The following ABCG8 variants were observed in gnomAD, a reference collection of about 807,000 sequenced individuals.
ABCG8 encodes ATP binding cassette subfamily G member 8.
A neutral mutation model predicts 71.3 loss-of-function variants in ABCG8; 81 were observed. The ratio of observed to expected loss-of-function variants is 1.14; its 90% CI spans 0.95 to 1.37. The LOEUF is 1.37. Ranked by LOEUF, ABCG8 falls within the 40% of genes most tolerant of loss-of-function variation. The pLI, the probability that ABCG8 is intolerant of heterozygous loss-of-function variation, is 0.00. For missense variants in ABCG8, 1,119 were observed against 866.2 expected (o/e 1.29, Z -3.66); for synonymous variants, 451 against 354.7 (o/e 1.27, Z -3.05).
chr2:43,861,037 G>A (rs572598300), intron 6 of ABCG8, among the ~76,000 whole-genome samples: 1 of 151,388 alleles, frequency 6.6e-6, no homozygotes, highest in East Asian at 1.9e-4. Context: ...TATCTATCGG[G>A]ATAGAATTCT....
At chr2:43,846,091 A>C (rs1668733668) in intron 2 of ABCG8, 64 bp from the exon 3 acceptor site, 4 of 1,583,270 alleles carry the variant, frequency 2.5e-6, no homozygotes, top group Non-Finnish European at 3.5e-6. Flanking sequence ...GATGCTGAAC[A>C]GAAGTTGCTG....
rs138423682 is a variant in ABCG8, at chr2:43,854,759, C to A, written c.964+1891C>A. On this transcript the variant is annotated intron_variant, in intron 6 of 12. Coordinates refer to ENST00000272286, the MANE Select transcript of ABCG8 (RefSeq NM_022437.3). Reference sequence around the variant, plus strand: ...CAGGCATGCATGGTCCTAGACTGAGCTGGGTATAGGGAGATCCTGGCTGTG... The same window carrying A: ...CAGGCATGCATGGTCCTAGACTGAGATGGGTATAGGGAGATCCTGGCTGTG... Among the ~76,000 whole-genome samples the A allele has an allele frequency of 6.1e-3, 934 of 152,156 alleles. 14 individuals carry two copies. The highest frequency in any genetic ancestry group is 0.021 in the African/African-American group (882 of 41,502).
chr2:43,859,285 C>T (rs966521958), intron 6 of ABCG8, among the ~76,000 whole-genome samples: 2 of 151,500 alleles, frequency 1.3e-5, no homozygotes, highest in African/African-American at 4.8e-5. Flanking sequence ...GGATATAATT[C>T]TCACCCTCTG....
At chr2:43,857,544 T>G (rs963433184) in intron 6 of ABCG8, among the ~76,000 whole-genome samples, 1 of 151,750 alleles carries the variant, frequency 6.6e-6, no homozygotes, top group Non-Finnish European at 1.5e-5. Flanking sequence ...TCTCAACATC[T>G]GGATAGAATC....
intron 6 of ABCG8, among the ~76,000 whole-genome samples, chr2:43,859,714 T>A (rs547011626): frequency 1.3e-5 from 2 of 151,606 alleles, no homozygotes; most frequent in Admixed American, 6.6e-5. Flanking sequence ...TCTCACTATC[T>A]ATCTTGATAG....
chr2:43,873,899 C>G lies in ABCG8; in HGVS notation c.1324C>G (p.Gln442Glu). 6.2e-7 allele frequency: 1 copy of G among 1,614,066 alleles called. No homozygotes were observed. Among genetic ancestry groups the G allele is most frequent in the Non-Finnish European group, 8.5e-7 (1 of 1,180,032 alleles). ...GFLYFGHGSI[Q>E]LSFMDTAALL... The stretch of plus-strand genomic sequence containing the variant: ...CCTCTATTTTGGCCATGGGAGCATC[C>G]AGCTCTCCTTCATGGATACAGCCGC... The change falls in exon 9 of 13, where the codon CAG becomes GAG. Residue 442 changes from glutamine (Q) to glutamate (E), a missense_variant. Coordinates refer to ENST00000272286, the MANE Select transcript of ABCG8 (RefSeq NM_022437.3).
intron 11 of ABCG8, 69 bp from the exon 12 acceptor site, chr2:43,877,492 C>A (rs977296625): frequency 8.7e-6 from 14 of 1,608,874 alleles, no homozygotes; most frequent in Admixed American, 1.7e-5. Flanking sequence ...ATGGGGGAGA[C>A]CATGCGAATA....
rs542440987 is a variant in ABCG8, at chr2:43,859,482, T to C, written c.964+6614T>C. 5.9e-5 allele frequency among the ~76,000 whole-genome samples: 9 copies of C among 151,672 alleles called. No individual in the cohort carries two copies. In the Middle Eastern group the frequency reaches 0.017, roughly 287 times the overall value. ...TACTATCTGGATAGAATTCTCACTC[T>C]GCATAGAACTCTCACTATCTATCTG... On this transcript the variant is annotated intron_variant, in intron 6 of 12. Coordinates refer to ENST00000272286, the MANE Select transcript of ABCG8 (RefSeq NM_022437.3).
Position 43,877,951 on chromosome 2 carries a change from G to C in ABCG8, c.*38G>C, listed in dbSNP as rs752903029. The C allele has an allele frequency of 3.0e-5, 48 of 1,613,826 alleles. No homozygotes were observed. Among genetic ancestry groups the C allele is most frequent in the Non-Finnish European group, 4.1e-5 (48 of 1,180,002 alleles). ...GTCTGCCCGCTGGTGGGGGACCTGA[G>C]CAGACCCTTCAACTGCACTCCCTCC... On this transcript the variant is annotated 3_prime_UTR_variant, in exon 13 of 13. Coordinates refer to ENST00000272286, the MANE Select transcript of ABCG8 (RefSeq NM_022437.3).
intron 6 of ABCG8, among the ~76,000 whole-genome samples, chr2:43,870,261 GTAGAATTCTCACAATCTGGA>G (rs1365707104): frequency 6.7e-6 from 1 of 150,224 alleles, no homozygotes; most frequent in Admixed American, 6.6e-5. Flanking sequence ...CACTATCTGG[GTAGAATTCTCACAATCTGGA>G]TAGAATTCTC....
At position 43,880,339 on chromosome 2, in the gene ABCG8, AATTTTTGT is replaced by A. The variant is rs1352469099; in HGVS notation, c.*2433_*2440del. On this transcript the variant is annotated 3_prime_UTR_variant, in exon 13 of 13. Transcript: ENST00000272286. ...ACAGTGCCCACCACCACACCTGGCT[AATTTTTGT>A]ATTTTTAGTAAAGACAGTGTTTCAC... 1 of 145,882 alleles carries A rather than the reference AATTTTTGT, an allele frequency of 6.9e-6. No homozygotes were observed. Among genetic ancestry groups the A allele is most frequent in the Admixed American group, 6.8e-5 (1 of 14,708 alleles). The allele number at this position is 145,882 out of a possible 1,614,324, so 9.0% of individuals were successfully genotyped here. A position where few individuals can be genotyped will look rare whatever the true frequency, so the allele number is the denominator to read the frequency against.
intron 1 of ABCG8, among the ~76,000 whole-genome samples, chr2:43,844,089 G>C (rs1668662801): frequency 6.6e-6 from 1 of 152,172 alleles, no homozygotes; most frequent in Non-Finnish European, 1.5e-5. Context: ...GGCCTCAGGA[G>C]ATATTAAGCC....
chr2:43,865,623 A>G (rs565521328), intron 6 of ABCG8, among the ~76,000 whole-genome samples: 2 of 150,616 alleles, frequency 1.3e-5, no homozygotes, highest in East Asian at 3.9e-4. Context: ...CACTATCTGG[A>G]TAGAATTCTC....
chr2:43,876,634 G>T (rs1478647010), intron 11 of ABCG8, among the ~76,000 whole-genome samples: 1 of 148,786 alleles, frequency 6.7e-6, no homozygotes, highest in Non-Finnish European at 1.5e-5. Context: ...AATATGGGGA[G>T]ACCGTGAGAA....
intron 6 of ABCG8, among the ~76,000 whole-genome samples, chr2:43,868,550 A>T (rs1371390810): frequency 6.6e-6 from 1 of 152,168 alleles, no homozygotes; most frequent in African/African-American, 2.4e-5. Flanking sequence ...CTGTCTGGAT[A>T]GAATTCTGAC....
At chr2:43,869,544 T>G (rs1669681816) in intron 6 of ABCG8, among the ~76,000 whole-genome samples, 1 of 151,860 alleles carries the variant, frequency 6.6e-6, no homozygotes, top group East Asian at 1.9e-4. Context: ...ACTATCTGTC[T>G]GGATAGAATT....
At chr2:43,874,171 C>T (rs969615628) in intron 9 of ABCG8, among the ~76,000 whole-genome samples, 185 bp downstream of exon 9, 7 of 152,132 alleles carry the variant, frequency 4.6e-5, no homozygotes, top group Non-Finnish European at 8.8e-5. Flanking sequence ...TTAGCTGTTC[C>T]TATCCTAGCA....
At chr2:43,859,279 A>G (rs1044163685) in intron 6 of ABCG8, among the ~76,000 whole-genome samples, 2 of 151,502 alleles carry the variant, frequency 1.3e-5, no homozygotes, top group Non-Finnish European at 3.0e-5. Flanking sequence ...CTGTCTGGAT[A>G]TAATTCTCAC....
At chr2:43,852,174 C>T (rs541888668) in intron 4 of ABCG8, among the ~76,000 whole-genome samples, 180 bp from the exon 5 acceptor site, 10 of 152,244 alleles carry the variant, frequency 6.6e-5, no homozygotes, top group East Asian at 1.9e-4. Context: ...CGAGGCCCCT[C>T]GGGACCTGTG....
Sources: gnomAD v4.1 joint callset for allele counts (sites outside exome capture counted in the v4.1 genomes callset) on GRCh38, gnomAD v4.1.1 for gene constraint, MANE v1.5 for transcripts, NCBI Gene and HGNC (gene_info 2026-07-23, HGNC 2026-07-21) for gene names.